The following RXFP1 variants were observed in gnomAD, a reference collection of about 807,000 sequenced individuals.
RXFP1 encodes the protein relaxin family peptide receptor 1, also known as relaxin receptor 1.
In RXFP1, 73 loss-of-function variants were observed where a neutral mutation model predicts 89.8. That is an observed-to-expected ratio of 0.81 (90% CI 0.67 to 0.99). RXFP1 has a LOEUF of 0.99. Among genes scored for constraint, RXFP1 ranks in the 50% least tolerant of loss-of-function variants. The pLI is 0.00. For missense variants in RXFP1, 793 were observed against 895.5 expected (o/e 0.89, Z 1.46); for synonymous variants, 277 against 305.5 (o/e 0.91, Z 0.97).
chr4:158,544,782 AT>A (rs1023703761), intron 1 of RXFP1, among the ~76,000 whole-genome samples: 1 of 152,022 alleles, frequency 6.6e-6, no homozygotes, highest in Admixed American at 6.5e-5. Context: ...TGAACTCTTC[AT>A]TTTTTATGGC....
At chr4:158,613,417 C>T (rs1490537267) in intron 8 of RXFP1, among the ~76,000 whole-genome samples, 1 of 152,238 alleles carries the variant, frequency 6.6e-6, no homozygotes, top group South Asian at 2.1e-4. Flanking sequence ...GAAGTCAATA[C>T]TCTCAAATCC....
intron 5 of RXFP1, chr4:158,607,055 T>G (rs757973497): frequency 6.5e-7 from 1 of 1,535,610 alleles, no homozygotes; most frequent in South Asian, 1.2e-5. Flanking sequence ...CAGGACACTC[T>G]AAAGAACAAT....
chr4:158,589,981 G>C (rs1270667075), intron 2 of RXFP1, among the ~76,000 whole-genome samples: 1 of 152,096 alleles, frequency 6.6e-6, no homozygotes, highest in Non-Finnish European at 1.5e-5. Context: ...GAGCCCAGGA[G>C]TTTGGGGCTG....
intron 1 of RXFP1, 41 bp from the exon 2 acceptor site, chr4:158,572,657 T>G: frequency 1.9e-6 from 3 of 1,592,202 alleles, no homozygotes; most frequent in Non-Finnish European, 2.6e-6. Flanking sequence ...GCCTTTGTAT[T>G]AACCACCTTC....
In RXFP1 at chr4:158,647,160, A is replaced by C; in HGVS notation, c.1715A>C (p.Glu572Ala). Residue 572 changes from glutamate to alanine, a missense_variant, in exon 16 of 18, where the codon GAA becomes GCA. Coordinates refer to ENST00000307765, the MANE Select transcript of RXFP1 (RefSeq NM_021634.4). Reference protein sequence around the residue: ...VCFPLHSEDTESIGAQIYSVA... With the variant: ...VCFPLHSEDTASIGAQIYSVA... ...TTCCCTCTTCATTCAGAAGATACAGAAAGTATTGGAGCCCAGATTTATTCA... is the reference window on the plus strand; with the variant it reads ...TTCCCTCTTCATTCAGAAGATACAGCAAGTATTGGAGCCCAGATTTATTCA... 6.2e-7 allele frequency: 1 copy of C among 1,609,274 alleles called. No homozygotes were observed. Among genetic ancestry groups the C allele is most frequent in the South Asian group, 1.1e-5 (1 of 90,262 alleles).
At chr4:158,598,192 G>A (rs937474402) in intron 3 of RXFP1, among the ~76,000 whole-genome samples, 7 of 152,030 alleles carry the variant, frequency 4.6e-5, no homozygotes, top group East Asian at 1.9e-4. Context: ...TCTCATAGAC[G>A]GTTTTGTTTG....
In RXFP1 at chr4:158,599,332, G is replaced by A; in HGVS notation, c.293G>A (p.Gly98Asp). 1.2e-6 allele frequency: 2 copies of A among 1,613,788 alleles called. No homozygotes were observed. Residue 98 changes from glycine to aspartate, a missense_variant, in exon 4 of 18, where the codon GGT (glycine) becomes GAT (aspartate). Physicochemically the swap from Gly to Asp is moderately conservative, Grantham distance 94. Transcript: ENST00000307765. Reference protein sequence around the residue: ...FEAETPECLVGSVPVQCLCQG... With the variant: ...FEAETPECLVDSVPVQCLCQG... ...CCACTTCCCCTTGATTCAGTGGTCG[G>A]TTCTGTGCCAGTGCAATGTCTTTGC...
At chr4:158,573,706 C>A (rs1019384832) in intron 2 of RXFP1, among the ~76,000 whole-genome samples, 1 of 152,076 alleles carries the variant, frequency 6.6e-6, no homozygotes, top group African/African-American at 2.4e-5. Flanking sequence ...CAAGTTTGAA[C>A]CTGGGTATGA....
In RXFP1 at chr4:158,567,318, C is replaced by T. The variant is rs115726896; in HGVS notation, c.50-5380C>T. On this transcript the variant is annotated intron_variant, in intron 1 of 17. Coordinates refer to ENST00000307765, the MANE Select transcript of RXFP1 (RefSeq NM_021634.4). The stretch of plus-strand genomic sequence containing the variant: ...GGCCGGGACTGGCAGGCAGCTCCAC[C>T]TGCAGCCCCTGTGAGCGATCCACTG... Among the ~76,000 whole-genome samples, 521 of 152,330 alleles carry T rather than the reference C, an allele frequency of 3.4e-3. 1 individual carries two copies. The highest frequency in any genetic ancestry group is 0.011 in the African/African-American group (472 of 41,576).
At chr4:158,593,771 A>G (rs1327276329) in intron 3 of RXFP1, among the ~76,000 whole-genome samples, 1 of 152,216 alleles carries the variant, frequency 6.6e-6, no homozygotes, top group Non-Finnish European at 1.5e-5. Flanking sequence ...TATGAACAGA[A>G]TCAATGTCAG....
rs1199605068 is a variant in RXFP1 at position 158,572,848 on chromosome 4, C to T, written c.187+13C>T. The T allele has an allele frequency of 1.2e-6, 2 of 1,613,520 alleles. No homozygotes were observed. The highest frequency in any genetic ancestry group is 3.3e-5 in the Admixed American group (2 of 59,974). On this transcript the variant is annotated intron_variant, in intron 2 of 17. Coordinates refer to ENST00000307765, the MANE Select transcript of RXFP1 (RefSeq NM_021634.4). Reference sequence around the variant, plus strand: ...GAGGACAACTGTGGTGAGTGAAGCCCCTGCAGTCACGGTGAGAGAAAGGAG... The same window carrying T: ...GAGGACAACTGTGGTGAGTGAAGCCTCTGCAGTCACGGTGAGAGAAAGGAG...
chr4:158,593,587 G>GA, intron 3 of RXFP1, 88 bp downstream of exon 3: 4 of 667,656 alleles, frequency 6.0e-6, no homozygotes, highest in Non-Finnish European at 9.5e-6. Flanking sequence ...AAAAAAGATT[G>GA]CATCTCAATC....
intron 15 of RXFP1, among the ~76,000 whole-genome samples, chr4:158,645,730 C>T (rs573553544): frequency 6.6e-6 from 1 of 152,254 alleles, no homozygotes; most frequent in East Asian, 1.9e-4. Context: ...TGTTTGTAGT[C>T]TAGGTCAAGT....
At chr4:158,584,700 C>T (rs1757972294) in intron 2 of RXFP1, among the ~76,000 whole-genome samples, 1 of 152,122 alleles carries the variant, frequency 6.6e-6, no homozygotes, top group Non-Finnish European at 1.5e-5. Flanking sequence ...GGACTACCTG[C>T]ATCTGAGCCA....
intron 3 of RXFP1, among the ~76,000 whole-genome samples, chr4:158,597,444 C>T (rs1472962987): frequency 1.3e-5 from 2 of 152,096 alleles, no homozygotes; most frequent in Admixed American, 1.3e-4. Context: ...CTGCATTACT[C>T]GTCTTTTTTT....
At chr4:158,524,446 G>C (rs1333501349) in intron 1 of RXFP1, among the ~76,000 whole-genome samples, 1 of 152,166 alleles carries the variant, frequency 6.6e-6, no homozygotes. Context: ...TAAAGGGATA[G>C]GATGGAGAAG....
intron 1 of RXFP1, among the ~76,000 whole-genome samples, chr4:158,537,207 G>A (rs1404225694): frequency 6.6e-6 from 1 of 151,990 alleles, no homozygotes; most frequent in Non-Finnish European, 1.5e-5. Flanking sequence ...ACAGCTGTGG[G>A]GAATATAGCA....
At chr4:158,601,130 A>T (rs899056491) in intron 4 of RXFP1, among the ~76,000 whole-genome samples, 2 of 152,024 alleles carry the variant, frequency 1.3e-5, no homozygotes, top group African/African-American at 4.8e-5. Context: ...ATTCAATTTT[A>T]AAAATTGTCA....
chr4:158,602,204 AT>A (rs1386346543), intron 4 of RXFP1, among the ~76,000 whole-genome samples: 1 of 152,222 alleles, frequency 6.6e-6, no homozygotes, highest in Non-Finnish European at 1.5e-5. Flanking sequence ...AGAGAATGTT[AT>A]TTGTCAAAAT....
Sources: gnomAD v4.1 joint callset for allele counts (sites outside exome capture counted in the v4.1 genomes callset) on GRCh38, gnomAD v4.1.1 for gene constraint, MANE v1.5 for transcripts, NCBI Gene and HGNC (gene_info 2026-07-23, HGNC 2026-07-21) for gene names.